Variants in MOSMO observed in about 807,000 individuals in gnomAD.
The protein encoded by MOSMO is modulator of smoothened protein.
In MOSMO, 5 loss-of-function variants were observed where a neutral mutation model predicts 18.4. That is an observed-to-expected ratio of 0.27 (90% CI 0.14 to 0.57). The LOEUF (loss-of-function observed/expected upper bound fraction) is 0.57, where lower values mean the gene tolerates loss of function less well. Among genes scored for constraint, MOSMO ranks in the 20% least tolerant of loss-of-function variants. The pLI is 0.92. For missense variants in MOSMO, 138 were observed against 211.8 expected (o/e 0.65, Z 2.16); for synonymous variants, 82 against 82.3 (o/e 1.00, Z 0.02).
At chr16:22,084,803 C>T (rs983238128), downstream of MOSMO, among the ~76,000 whole-genome samples, 3 of 152,040 alleles carry the variant, frequency 2.0e-5, no homozygotes, top group African/African-American at 7.2e-5. Context: ...TATCTTCTTC[C>T]ACTCCCACTC....
intron 1 of MOSMO, among the ~76,000 whole-genome samples, chr16:22,038,061 T>C (rs923631636): frequency 1.3e-5 from 2 of 152,156 alleles, no homozygotes; most frequent in Non-Finnish European, 2.9e-5. Flanking sequence ...TGAAGCTACA[T>C]AGGGGCTGCC....
chr16:22,035,669 G>A (rs908318810), intron 1 of MOSMO, among the ~76,000 whole-genome samples: 6 of 152,056 alleles, frequency 3.9e-5, no homozygotes, highest in African/African-American at 9.7e-5. Context: ...TGCAGGCAGC[G>A]GTTTGCCCTG....
chr16:22,088,957 A>ATAAAAGGTGGTCCC (rs1901239772), downstream of MOSMO, among the ~76,000 whole-genome samples: 1 of 152,128 alleles, frequency 6.6e-6, no homozygotes, highest in Non-Finnish European at 1.5e-5. Flanking sequence ...GCAAACAACC[A>ATAAAAGGTGGTCCC]TAAAAGGTGG....
At chr16:22,092,332 A>G (rs1038118408), downstream of MOSMO, 12 of 325,296 alleles carry the variant, frequency 3.7e-5, no homozygotes, top group Admixed American at 8.1e-5. Context: ...AGGTTCTGAA[A>G]TTAGAAAAGA....
At chr16:22,030,754 C>T (rs1317391478) in intron 1 of MOSMO, among the ~76,000 whole-genome samples, 1 of 152,186 alleles carries the variant, frequency 6.6e-6, no homozygotes, top group Non-Finnish European at 1.5e-5. Context: ...GTCTTGAACT[C>T]CAGGCTTCAA....
intron 1 of MOSMO, among the ~76,000 whole-genome samples, chr16:22,069,331 A>C (rs1900804352): frequency 6.6e-6 from 1 of 152,184 alleles, no homozygotes; most frequent in Admixed American, 6.5e-5. Flanking sequence ...TTAGAGCATC[A>C]AGTATGAAAA....
At chr16:22,034,279 G>A (rs890874576) in intron 1 of MOSMO, among the ~76,000 whole-genome samples, 3 of 152,044 alleles carry the variant, frequency 2.0e-5, no homozygotes, top group Non-Finnish European at 4.4e-5. Flanking sequence ...ATTTTATTTT[G>A]CCTTCATTTA....
At chr16:22,017,028 G>A (rs745547725) in intron 1 of MOSMO, among the ~76,000 whole-genome samples, 1 of 152,132 alleles carries the variant, frequency 6.6e-6, no homozygotes, top group Non-Finnish European at 1.5e-5. Flanking sequence ...CCTGGCAAGC[G>A]ATATAGCTGA....
chr16:22,039,291 A>G (rs1436515507), intron 1 of MOSMO, among the ~76,000 whole-genome samples: 1 of 152,202 alleles, frequency 6.6e-6, no homozygotes, highest in African/African-American at 2.4e-5. Flanking sequence ...TCTGTCACTT[A>G]TAAGCTAGGT....
chr16:22,012,913 C>T (rs889956316), intron 1 of MOSMO, among the ~76,000 whole-genome samples: 3 of 152,046 alleles, frequency 2.0e-5, no homozygotes, highest in Admixed American at 6.6e-5. Flanking sequence ...ATTTCATCTA[C>T]TTCTTGTAAT....
At chr16:22,074,703 G>A (rs1168689240) in intron 1 of MOSMO, among the ~76,000 whole-genome samples, 1 of 152,206 alleles carries the variant, frequency 6.6e-6, no homozygotes, top group Non-Finnish European at 1.5e-5. Flanking sequence ...GAAAAATAAT[G>A]CTTGATGTTT....
intron 1 of MOSMO, among the ~76,000 whole-genome samples, chr16:22,044,950 C>T (rs1013089932): frequency 6.6e-6 from 1 of 151,032 alleles, no homozygotes; most frequent in Admixed American, 6.6e-5. Flanking sequence ...CCAGGGTGGG[C>T]AGATTGCTTG....
chr16:22,024,185 C>T (rs1416554433), intron 1 of MOSMO, among the ~76,000 whole-genome samples: 1 of 151,764 alleles, frequency 6.6e-6, no homozygotes, highest in Non-Finnish European at 1.5e-5. Flanking sequence ...TTATATTGGT[C>T]ATTTCAGTGG....
At chr16:22,037,455 C>T (rs1169666612) in intron 1 of MOSMO, among the ~76,000 whole-genome samples, 1 of 152,084 alleles carries the variant, frequency 6.6e-6, no homozygotes, top group Non-Finnish European at 1.5e-5. Flanking sequence ...CTGCACTCAC[C>T]AAGCAATTCT....
intron 1 of MOSMO, among the ~76,000 whole-genome samples, chr16:22,056,420 G>A (rs577154507): frequency 7.2e-6 from 1 of 138,916 alleles, no homozygotes; most frequent in Admixed American, 7.5e-5. Context: ...CGCCCAGGCT[G>A]GAGTGCAATG....
intron 1 of MOSMO, among the ~76,000 whole-genome samples, chr16:22,058,425 CAAAAAAAAA>C (rs924395309): frequency 1.8e-5 from 1 of 56,752 alleles, no homozygotes; most frequent in South Asian, 6.1e-4. Context: ...GACTCCGTCT[CAAAAAAAAA>C]AAAAAAAAAG....
chr16:22,054,236 C>A (rs1325290744), intron 1 of MOSMO, among the ~76,000 whole-genome samples: 2 of 152,080 alleles, frequency 1.3e-5, no homozygotes. Flanking sequence ...ACTGGGACTA[C>A]AGGCACATGC....
chr16:22,078,670 G>GA (rs1165048777), intron 2 of MOSMO, among the ~76,000 whole-genome samples: 12 of 152,038 alleles, frequency 7.9e-5, no homozygotes, highest in Non-Finnish European at 1.8e-4. Flanking sequence ...TCAACATTAA[G>GA]AAAAAAATTG....
At chr16:22,089,282 G>C (rs1901247550), downstream of MOSMO, among the ~76,000 whole-genome samples, 3 of 152,186 alleles carry the variant, frequency 2.0e-5, no homozygotes, top group South Asian at 6.2e-4. Flanking sequence ...TGCCCAGACT[G>C]GTCCTGAACT....
Sources: allele counts gnomAD v4.1 joint callset (sites outside exome capture counted in the v4.1 genomes callset), GRCh38; gene constraint gnomAD v4.1.1; transcripts MANE v1.5; gene names NCBI Gene and HGNC (gene_info 2026-07-23, HGNC 2026-07-21).